The following OPTN variants were observed in gnomAD, a reference collection of about 807,000 sequenced individuals.
OPTN encodes E3-14.7K-interacting protein.
OPTN carries 54 observed loss-of-function variants against 70.4 expected under a neutral mutation model. That is an observed-to-expected ratio of 0.77 (90% CI 0.62 to 0.96). The LOEUF is 0.96. Among genes scored for constraint, OPTN ranks in the 40% least tolerant of loss-of-function variants. The pLI, the probability that OPTN is intolerant of heterozygous loss-of-function variation, is 0.00. For synonymous variants in OPTN, 256 were observed against 248.5 expected, an observed-to-expected ratio of 1.03 and a Z score of -0.28; for missense variants, 624 against 673.2, an observed-to-expected ratio of 0.93 and a Z score of 0.81.
At chr10:13,104,477 A>G (rs1832821224) in intron 1 of OPTN, 1 of 251,998 alleles carries the variant, frequency 4.0e-6, no homozygotes. Flanking sequence ...CAAAAAGTCT[A>G]ATATGAAAAT....
At chr10:13,121,492 T>A (rs1434020644) in intron 7 of OPTN, among the ~76,000 whole-genome samples, 1 of 128,976 alleles carries the variant, frequency 7.8e-6, no homozygotes, top group East Asian at 2.3e-4. Context: ...TCTTGCCTGA[T>A]TATCCTGTAA....
At chr10:13,105,739 T>G (rs1335879529) in intron 1 of OPTN, among the ~76,000 whole-genome samples, 1 of 152,106 alleles carries the variant, frequency 6.6e-6, no homozygotes, top group Non-Finnish European at 1.5e-5. Context: ...CAAAACCCTG[T>G]CTCTACTAAA....
intron 8 of OPTN, chr10:13,122,957 G>A (rs1054907133): frequency 2.1e-5 from 4 of 194,528 alleles, no homozygotes; most frequent in Non-Finnish European, 4.4e-5. Context: ...TTACAGATAT[G>A]AGCCACTGCG....
chr10:13,134,951 G>A (rs1017215653), intron 14 of OPTN, among the ~76,000 whole-genome samples: 6 of 152,290 alleles, frequency 3.9e-5, no homozygotes, highest in East Asian at 3.9e-4. Context: ...AGGCAGCCCC[G>A]GATGCTGACC....
chr10:13,133,765 C>G (rs1833641021), intron 14 of OPTN, among the ~76,000 whole-genome samples, 184 bp downstream of exon 14: 1 of 152,178 alleles, frequency 6.6e-6, no homozygotes, highest in Admixed American at 6.5e-5. Flanking sequence ...CCAGACCAGA[C>G]CCTTCACCCT....
rs879690419 is a variant in OPTN, at chr10:13,107,608, C to T, written c.-163-530C>T. On this transcript the variant is annotated intron_variant, in intron 1 of 14. Transcript: ENST00000378747. ...GTGTTAGCCAGGATGGTCTCGATCT[C>T]CTGACCTCGTAATCTGCCCGCCTCA... Among the ~76,000 whole-genome samples the T allele has an allele frequency of 7.2e-5, 11 of 151,886 alleles. No homozygotes were observed. The South Asian group carries it at 1.9e-3, about 26-fold the overall frequency.
chr10:13,132,331 G>C (rs1833610971), intron 13 of OPTN, 134 bp downstream of exon 13: 8 of 797,054 alleles, frequency 1.0e-5, no homozygotes, highest in East Asian at 2.7e-5. Context: ...CTAGGTGACA[G>C]AGCGAGTCCC....
chr10:13,134,416 C>T (rs1419173539), intron 14 of OPTN, among the ~76,000 whole-genome samples: 1 of 151,946 alleles, frequency 6.6e-6, no homozygotes, highest in East Asian at 1.9e-4. Flanking sequence ...TAGGTAGATA[C>T]TTAAGTACTT....
chr10:13,121,033 A>T (rs760306549), intron 7 of OPTN, among the ~76,000 whole-genome samples: 2 of 152,188 alleles, frequency 1.3e-5, no homozygotes, highest in Non-Finnish European at 2.9e-5. Flanking sequence ...TCACGAGAAC[A>T]GCATGGAGGA....
chr10:13,106,487 G>T (rs949880067), intron 1 of OPTN, among the ~76,000 whole-genome samples: 6 of 152,160 alleles, frequency 3.9e-5, no homozygotes, highest in African/African-American at 1.4e-4. Context: ...TGAATCCTAT[G>T]GTTTATCAGT....
intron 12 of OPTN, among the ~76,000 whole-genome samples, chr10:13,131,030 G>A (rs750362989): frequency 2.0e-5 from 3 of 151,978 alleles, no homozygotes; most frequent in East Asian, 1.9e-4. Context: ...GGTGATCCTC[G>A]TGCCTCAGCC....
intron 8 of OPTN, chr10:13,122,770 A>C (rs1230395838): frequency 2.8e-6 from 1 of 360,736 alleles, no homozygotes; most frequent in African/African-American, 2.1e-5. Flanking sequence ...TCCGCCTCCC[A>C]GGTTCAAGCA....
At chr10:13,112,904 G>A (rs1439109290) in intron 5 of OPTN, among the ~76,000 whole-genome samples, 3 of 148,514 alleles carry the variant, frequency 2.0e-5, no homozygotes, top group Admixed American at 6.7e-5. Context: ...GAACATTTTT[G>A]TGACCAGAAA....
At chr10:13,108,639 C>T (rs1355499005) in intron 2 of OPTN, among the ~76,000 whole-genome samples, 3 of 151,754 alleles carry the variant, frequency 2.0e-5, no homozygotes, top group Admixed American at 6.6e-5. Context: ...CTCTGCCTCC[C>T]GGGTTCACGC....
At chr10:13,113,659 T>C (rs1157094894) in intron 5 of OPTN, among the ~76,000 whole-genome samples, 1 of 152,164 alleles carries the variant, frequency 6.6e-6, no homozygotes, top group Non-Finnish European at 1.5e-5. Context: ...GGCCTGTCCT[T>C]CATTGCTACT....
At chr10:13,115,292 C>T (rs1833152418) in intron 5 of OPTN, among the ~76,000 whole-genome samples, 1 of 40,972 alleles carries the variant, frequency 2.4e-5, no homozygotes, top group Non-Finnish European at 4.1e-5. Flanking sequence ...ATAATATATT[C>T]TATAATATAT....
rs191223537 is a variant in OPTN, at chr10:13,114,334, G to T, written c.552+1699G>T. 1.2e-4 allele frequency among the ~76,000 whole-genome samples: 18 copies of T among 152,126 alleles called. No homozygotes were observed. The East Asian group carries it at 2.9e-3, about 24-fold the overall frequency. On this transcript the variant is annotated intron_variant, in intron 5 of 14. Coordinates refer to ENST00000378747, the MANE Select transcript of OPTN (RefSeq NM_001008212.2). ...ATAATTAAAATGTCAATTGAAAAGCGTATTTTGCCAGAGTACCCCTTCTGC... is the reference window on the plus strand; with the variant it reads ...ATAATTAAAATGTCAATTGAAAAGCTTATTTTGCCAGAGTACCCCTTCTGC...
chr10:13,115,427 TAATATAG>T (rs1434662455), intron 5 of OPTN, among the ~76,000 whole-genome samples: 1 of 106,470 alleles, frequency 9.4e-6, no homozygotes, highest in East Asian at 2.7e-4. Context: ...AGAATATATA[TAATATAG>T]AATATATATA....
chr10:13,117,400 C>T (rs574999182), intron 6 of OPTN, among the ~76,000 whole-genome samples: 4 of 144,050 alleles, frequency 2.8e-5, no homozygotes, highest in South Asian at 2.2e-4. Flanking sequence ...ATCTCACAGA[C>T]GGATAAGAGA....
Sources: allele counts gnomAD v4.1 joint callset (sites outside exome capture counted in the v4.1 genomes callset), GRCh38; gene constraint gnomAD v4.1.1; transcripts MANE v1.5; gene names NCBI Gene and HGNC (gene_info 2026-07-23, HGNC 2026-07-21).